The following BCAS3 variants were observed in gnomAD, a reference collection of about 807,000 sequenced individuals.
BCAS3 encodes the protein BCAS3 microtubule associated cell migration factor.
BCAS3 carries 53 observed loss-of-function variants against 116.1 expected under a neutral mutation model. The observed-to-expected ratio is 0.46, with a 90% CI of 0.37 to 0.57. BCAS3 has a LOEUF of 0.57. Among genes scored for constraint, BCAS3 ranks in the 20% least tolerant of loss-of-function variants. BCAS3 has a pLI of 0.00. For synonymous variants in BCAS3, 391 were observed against 408.2 expected, an observed-to-expected ratio of 0.96 and a Z score of 0.51; for missense variants, 917 against 1,165.4, an observed-to-expected ratio of 0.79 and a Z score of 3.10.
intron 6 of BCAS3, among the ~76,000 whole-genome samples, chr17:60,771,648 C>T (rs774144761): frequency 3.3e-4 from 50 of 152,126 alleles, no homozygotes; most frequent in Non-Finnish European, 6.3e-4. Context: ...GTGTGCTGCA[C>T]CCATTAACTC....
intron 6 of BCAS3, among the ~76,000 whole-genome samples, chr17:60,765,962 T>G (rs756516860): frequency 2.0e-5 from 3 of 152,234 alleles, no homozygotes; most frequent in Non-Finnish European, 2.9e-5. Flanking sequence ...TATCCTTTCT[T>G]CCATTAGATC....
At chr17:60,899,262 C>T (rs1203821576) in intron 10 of BCAS3, among the ~76,000 whole-genome samples, 2 of 152,084 alleles carry the variant, frequency 1.3e-5, no homozygotes, top group African/African-American at 2.4e-5. Context: ...GGCTCACCCC[C>T]CAGTCCCGGT....
At chr17:60,908,830 T>C (rs192060727) in intron 11 of BCAS3, among the ~76,000 whole-genome samples, 1 of 152,322 alleles carries the variant, frequency 6.6e-6, no homozygotes, top group African/African-American at 2.4e-5. Context: ...TTTATTTAAG[T>C]ATTTATTAGT....
rs189935047 is a variant in BCAS3 at position 61,027,044 on chromosome 17, T to C, written c.1638-7622T>C. The C allele has an allele frequency of 6.9e-5, 51 of 742,878 alleles. No homozygotes were observed. In the East Asian group the frequency reaches 1.4e-3, roughly 20 times the overall value. The allele number at this position is 742,878 out of a possible 1,614,324, so 46.0% of individuals were successfully genotyped here. ...ACCAAGTTACTGAATAATTTGTAGA[T>C]GGAACATGAATGTTGATATTTAAGC... On this transcript the variant is annotated intron_variant, in intron 16 of 23. Transcript: ENST00000407086.
At chr17:60,714,532 A>C (rs1399705876) in intron 5 of BCAS3, among the ~76,000 whole-genome samples, 1 of 152,070 alleles carries the variant, frequency 6.6e-6, no homozygotes, top group East Asian at 1.9e-4. Context: ...GGCCACCTGT[A>C]ATCCCAGCTA....
chr17:60,902,112 T>C (rs571356358), intron 10 of BCAS3, among the ~76,000 whole-genome samples: 1 of 152,242 alleles, frequency 6.6e-6, no homozygotes, highest in Non-Finnish European at 1.5e-5. Context: ...ATACTTGTCA[T>C]AGTTGATTTA....
chr17:61,006,806 C>A (rs1179976142), intron 15 of BCAS3, among the ~76,000 whole-genome samples: 1 of 151,878 alleles, frequency 6.6e-6, no homozygotes, highest in Non-Finnish European at 1.5e-5. Context: ...GGTCAAAGAT[C>A]TTTTTAAAAA....
intron 12 of BCAS3, among the ~76,000 whole-genome samples, chr17:60,920,611 C>T (rs2059020147): frequency 6.6e-6 from 1 of 152,160 alleles, no homozygotes; most frequent in African/African-American, 2.4e-5. Context: ...TGGCTCATGC[C>T]TGTAATCCCA....
At position 61,087,974 on chromosome 17, in the gene BCAS3, G is replaced by T. The variant is rs1348512573; in HGVS notation, c.2425+3410G>T. 1.3e-5 allele frequency among the ~76,000 whole-genome samples: 2 copies of T among 152,070 alleles called. No individual in the cohort carries two copies. The highest frequency in any genetic ancestry group is 3.9e-4 in the East Asian group (2 of 5,186). On this transcript the variant is annotated intron_variant, in intron 22 of 23. Transcript: ENST00000407086. This position sits in a 1 kb window ranked among gnomAD's most constrained non-coding sequence, Gnocchi z 4.6. ...GAAGCGGTGGATCACTTGAGGTCAG[G>T]TGTTTGAGACCAGCCTGGCTAACAT...
Position 61,045,823 on chromosome 17 carries a change from T to TTCTCTC in BCAS3, c.2029+4953_2029+4958dup, listed in dbSNP as rs1182475386. On this transcript the variant is annotated intron_variant, in intron 19 of 23. Coordinates refer to ENST00000407086, the MANE Select transcript of BCAS3 (RefSeq NM_017679.5). ...AGAGTGAGTGAGACTTCATCTCTCT[T>TTCTCTC]TCTCTCTCTCTCTCTCTCTCTCTCT... Among the ~76,000 whole-genome samples the TTCTCTC allele has an allele frequency of 6.0e-3, 206 of 34,618 alleles. 9 individuals are homozygous for TTCTCTC. Among genetic ancestry groups the TTCTCTC allele is most frequent in the African/African-American group, 0.021 (80 of 3,848 alleles). The allele number at this position is 34,618 out of a possible 152,430, so 22.7% of individuals were successfully genotyped here.
chr17:61,295,796 A>G (rs1033604429), intron 22 of BCAS3, among the ~76,000 whole-genome samples: 1 of 151,944 alleles, frequency 6.6e-6, no homozygotes. Flanking sequence ...TACTAAAAAA[A>G]AAAAAAAAAT....
At chr17:61,291,388 C>A (rs2052397092) in intron 22 of BCAS3, among the ~76,000 whole-genome samples, 2 of 152,168 alleles carry the variant, frequency 1.3e-5, no homozygotes, top group South Asian at 4.1e-4. Flanking sequence ...AGCTTGCTTT[C>A]TGTAGCTCCC....
chr17:61,128,042 C>A lies in BCAS3; in HGVS notation c.2425+43478C>A. 3.9e-6 allele frequency: 1 copy of A among 256,762 alleles called. No homozygotes were observed. The highest frequency in any genetic ancestry group is 6.1e-6 in the Non-Finnish European group (1 of 164,068). 15.9% of individuals were successfully genotyped at this position (256,762 alleles called of 1,614,324 possible). ...ACATTCAGCAAAGAACACCACAATT[C>A]CCATTGAGCTCAGAAAATGTGATTA... is the stretch of plus-strand genomic sequence containing the variant. On this transcript the variant is annotated intron_variant, in intron 22 of 23. Coordinates refer to ENST00000407086, the MANE Select transcript of BCAS3 (RefSeq NM_017679.5). This position sits in a 1 kb window ranked among gnomAD's most constrained non-coding sequence, Gnocchi z 4.1.
At chr17:60,747,648 G>C (rs960844555) in intron 6 of BCAS3, among the ~76,000 whole-genome samples, 5 of 152,016 alleles carry the variant, frequency 3.3e-5, no homozygotes, top group Admixed American at 3.3e-4. Context: ...TTCTGGCTTA[G>C]CTTTCTTCTG....
chr17:61,329,283 G>A (rs2056012842), intron 22 of BCAS3, among the ~76,000 whole-genome samples: 1 of 151,792 alleles, frequency 6.6e-6, no homozygotes, highest in Non-Finnish European at 1.5e-5. Flanking sequence ...TCAGGGGTTA[G>A]GGTTAATATA....
At chr17:61,069,723 A>G (rs2071112678) in intron 19 of BCAS3, 1 of 579,348 alleles carries the variant, frequency 1.7e-6, no homozygotes, top group Non-Finnish European at 3.0e-6. Flanking sequence ...CTGTAATCCC[A>G]GCTACTCAGG....
intron 22 of BCAS3, among the ~76,000 whole-genome samples, chr17:61,266,320 C>T: frequency 6.6e-6 from 1 of 152,152 alleles, no homozygotes; most frequent in East Asian, 1.9e-4. Context: ...GAAAGAGACA[C>T]ACACCATCCA....
At position 61,207,946 on chromosome 17, in the gene BCAS3, C is replaced by T. The variant is rs140832955; in HGVS notation, c.2425+123382C>T. Among the ~76,000 whole-genome samples the T allele has an allele frequency of 5.3e-4, 80 of 152,186 alleles. No homozygotes were observed. In the East Asian group the frequency reaches 9.8e-3, roughly 19 times the overall value. ...AACATGGCTAAAAACATTGGCTTTG[C>T]AAAATTCTCAGTCAGATTCTTGCTT... On this transcript the variant is annotated intron_variant, in intron 22 of 23. Coordinates refer to ENST00000407086, the MANE Select transcript of BCAS3 (RefSeq NM_017679.5).
chr17:60,759,566 A>G (rs1442167716), intron 6 of BCAS3, among the ~76,000 whole-genome samples: 3 of 150,404 alleles, frequency 2.0e-5, no homozygotes, highest in Non-Finnish European at 4.4e-5. Context: ...TGTTGGATGC[A>G]TATGTATTTA....
Sources: gnomAD v4.1 joint callset for allele counts (sites outside exome capture counted in the v4.1 genomes callset) on GRCh38, gnomAD v4.1.1 for gene constraint, Gnocchi (gnomAD v3.1) non-coding constraint, MANE v1.5 for transcripts, NCBI Gene and HGNC (gene_info 2026-07-23, HGNC 2026-07-21) for gene names.